The following CPNE9 variants were observed in gnomAD, a reference collection of about 807,000 sequenced individuals.
CPNE9 encodes copine family member 9, also known as copine-9.
Under a neutral mutation model 83.0 loss-of-function variants are expected in CPNE9, and 59 were observed. The ratio of observed to expected loss-of-function variants is 0.71; its 90% CI spans 0.58 to 0.88. CPNE9 has a LOEUF of 0.88. Ranked by LOEUF, CPNE9 falls within the 40% of genes least tolerant of loss-of-function variation. The pLI is 0.00. For missense variants in CPNE9, 619 were observed against 720.8 expected, an observed-to-expected ratio of 0.86 and a Z score of 1.62; for synonymous variants, 256 against 273.4, an observed-to-expected ratio of 0.94 and a Z score of 0.63.
At chr3:9,715,002 G>A in intron 11 of CPNE9, 47 bp downstream of exon 11, 1 of 1,554,302 alleles carries the variant, frequency 6.4e-7, no homozygotes, top group Non-Finnish European at 8.8e-7. Context: ...GACCCAAGCA[G>A]TTCTCAATAA....
At chr3:9,718,272 T>C in intron 16 of CPNE9, 62 bp downstream of exon 16, 1 of 1,500,274 alleles carries the variant, frequency 6.7e-7, no homozygotes, top group Non-Finnish European at 9.1e-7. Flanking sequence ...AAGTTGATGA[T>C]TTTGTTCTGT....
chr3:9,725,048 C>T (rs1056551156), intron 17 of CPNE9, among the ~76,000 whole-genome samples: 2 of 152,136 alleles, frequency 1.3e-5, no homozygotes, highest in Non-Finnish European at 2.9e-5. Context: ...TGAACCACTG[C>T]ACCTGGCCAG....
chr3:9,715,366 T>C lies in CPNE9; in HGVS notation c.768+2T>C. On this transcript the variant is annotated splice_donor_variant, in intron 12 of 20. Coordinates refer to ENST00000383832, the MANE Select transcript of CPNE9 (RefSeq NM_153635.3). LOFTEE classifies it high-confidence loss of function. ...CAGAACCAGTTCACAGTATATGAGG[T>C]GAGCATTCCAGCCCTGCCCAGGTCA... 6.2e-7 allele frequency: 1 copy of C among 1,614,174 alleles called. No homozygotes were observed. The highest frequency in any genetic ancestry group is 8.5e-7 in the Non-Finnish European group (1 of 1,180,030).
chr3:9,717,266 G>A (rs1325610150), intron 15 of CPNE9, among the ~76,000 whole-genome samples, 162 bp downstream of exon 15: 1 of 152,138 alleles, frequency 6.6e-6, no homozygotes, highest in Non-Finnish European at 1.5e-5. Context: ...AAAAATAGAT[G>A]GGTAGATGGA....
rs2076540144 is a variant in CPNE9 at position 9,704,507 on chromosome 3, C to T, written c.69-80C>T. ...GTTCGATGCGGGCCCCATGCCTCTCCTCAGTGCCCGGCTCAGAGCCGACTC... is the reference window on the plus strand; with the variant it reads ...GTTCGATGCGGGCCCCATGCCTCTCTTCAGTGCCCGGCTCAGAGCCGACTC... On this transcript the variant is annotated intron_variant, in intron 1 of 20. Transcript: ENST00000383832. This position sits in a 1 kb window ranked among gnomAD's most constrained non-coding sequence, Gnocchi z 7.1. The T allele has an allele frequency of 7.9e-7, 1 of 1,258,338 alleles. No individual in the cohort carries two copies. Among genetic ancestry groups the T allele is most frequent in the Admixed American group, 1.7e-5 (1 of 59,520 alleles). The allele number at this position is 1,258,338 out of a possible 1,614,324, so 77.9% of individuals were successfully genotyped here. A position where few individuals can be genotyped will look rare whatever the true frequency, so the allele number is the denominator to read the frequency against.
chr3:9,721,423 G>A (rs1575130176), intron 17 of CPNE9, among the ~76,000 whole-genome samples: 1 of 152,270 alleles, frequency 6.6e-6, no homozygotes, highest in African/African-American at 2.4e-5. Flanking sequence ...GAGAAAAAAG[G>A]TGTTTTAAGT....
At chr3:9,714,072 C>CAATAAATAAATA (rs59251577) in intron 10 of CPNE9, among the ~76,000 whole-genome samples, 45 of 149,002 alleles carry the variant, frequency 3.0e-4, no homozygotes, top group African/African-American at 6.7e-4. Flanking sequence ...GACTCCGTCT[C>CAATAAATAAATA]AATAAATAAA....
At chr3:9,723,698 C>A (rs1276118428) in intron 17 of CPNE9, among the ~76,000 whole-genome samples, 1 of 152,138 alleles carries the variant, frequency 6.6e-6, no homozygotes, top group South Asian at 2.1e-4. Flanking sequence ...CACGCGCCAC[C>A]AAGCCCAGCT....
Position 9,713,080 on chromosome 3 carries a change from G to T in CPNE9, c.650+1G>T. ...CTCTGTGCAATGGAGACTATGACAG[G>T]TTGGCTCCAGCATAAGCTGGGGAGT... On this transcript the variant is annotated splice_donor_variant, in intron 10 of 20. Coordinates refer to ENST00000383832, the MANE Select transcript of CPNE9 (RefSeq NM_153635.3). LOFTEE classifies it high-confidence loss of function. The T allele has an allele frequency of 1.2e-6, 2 of 1,610,774 alleles. No individual in the cohort carries two copies. The highest frequency in any genetic ancestry group is 1.7e-6 in the Non-Finnish European group (2 of 1,176,988).
chr3:9,716,126 GC>G, intron 14 of CPNE9, 91 bp downstream of exon 14: 2 of 1,113,148 alleles, frequency 1.8e-6, no homozygotes, highest in Non-Finnish European at 2.7e-6. Context: ...AATGGTCAGG[GC>G]CCAGTGAGAC....
chr3:9,713,121 T>A (rs371221778), intron 10 of CPNE9, 42 bp downstream of exon 10: 395 of 1,448,050 alleles, frequency 2.7e-4, no homozygotes, highest in Non-Finnish European at 3.7e-4. Flanking sequence ...GCCAAGGACA[T>A]GCCAGTGTGG....
chr3:9,726,566 T>C (rs1028478255), intron 18 of CPNE9, 99 bp from the exon 19 acceptor site: 5 of 910,720 alleles, frequency 5.5e-6, no homozygotes, highest in Non-Finnish European at 9.0e-6. Flanking sequence ...TTACAAGATG[T>C]GCAGAACCAT....
chr3:9,709,989 CAAAAAAAAAA>C (rs542047036), intron 7 of CPNE9, among the ~76,000 whole-genome samples: 2 of 57,250 alleles, frequency 3.5e-5, no homozygotes, highest in Non-Finnish European at 6.9e-5. Flanking sequence ...GACTCCATCT[CAAAAAAAAAA>C]AAAAAAGAAA....
intron 16 of CPNE9, 55 bp from the exon 17 acceptor site, chr3:9,718,420 C>T: frequency 6.4e-7 from 1 of 1,573,888 alleles, no homozygotes; most frequent in Non-Finnish European, 8.7e-7. Flanking sequence ...GGAATCAGAG[C>T]ACTCCTGCAT....
chr3:9,721,365 T>C (rs564323865), intron 17 of CPNE9, among the ~76,000 whole-genome samples: 3 of 152,352 alleles, frequency 2.0e-5, no homozygotes, highest in Admixed American at 2.0e-4. Flanking sequence ...ATCTTAAAAA[T>C]TCATGCAAAT....
rs1358156953 is a variant in CPNE9, at chr3:9,704,521, C to T, written c.69-66C>T. ...CCATGCCTCTCCTCAGTGCCCGGCT[C>T]AGAGCCGACTCGAGGCGGGCGGACT... On this transcript the variant is annotated intron_variant, in intron 1 of 20. Coordinates refer to ENST00000383832, the MANE Select transcript of CPNE9 (RefSeq NM_153635.3). This position sits in a 1 kb window ranked among gnomAD's most constrained non-coding sequence, Gnocchi z 7.1. The T allele has an allele frequency of 1.6e-5, 23 of 1,403,064 alleles. No homozygotes were observed. Among genetic ancestry groups the T allele is most frequent in the Non-Finnish European group, 2.2e-5 (22 of 987,414 alleles). The allele number at this position is 1,403,064 out of a possible 1,614,324, so 86.9% of individuals were successfully genotyped here.
rs563331218 is a variant in CPNE9 at position 9,729,420 on chromosome 3, G to A, written c.1477-87G>A. The A allele has an allele frequency of 2.7e-5, 40 of 1,488,878 alleles. No individual in the cohort carries two copies. In the South Asian group the frequency reaches 5.2e-4, roughly 19 times the overall value. The allele number at this position is 1,488,878 out of a possible 1,614,324, so 92.2% of individuals were successfully genotyped here. ...ACTGTGATAGTTGGAAAGAGATGCT[G>A]GGGATCAAAAAAGAAGCCTCCCTGC... On this transcript the variant is annotated intron_variant, in intron 20 of 20. Coordinates refer to ENST00000383832, the MANE Select transcript of CPNE9 (RefSeq NM_153635.3).
Position 9,711,348 on chromosome 3 carries a change from G to A in CPNE9, c.378-1193G>A, listed in dbSNP as rs367719503. ...CTCCCGAGTAGCTGGCATTACAGGC[G>A]CCCGCCACCACGCCCAGCTAATTTT... On this transcript the variant is annotated intron_variant, in intron 7 of 20. Transcript: ENST00000383832. 1.9e-3 allele frequency among the ~76,000 whole-genome samples: 279 copies of A among 150,618 alleles called. 1 individual carries two copies. In the Middle Eastern group the frequency reaches 0.021, roughly 11 times the overall value.
In CPNE9 at chr3:9,703,926, C is replaced by A; in HGVS notation, c.-71C>A. The A allele has an allele frequency of 7.6e-7, 1 of 1,317,500 alleles. No homozygotes were observed. Among genetic ancestry groups the A allele is most frequent in the Non-Finnish European group, 1.0e-6 (1 of 980,868 alleles). 81.6% of individuals were successfully genotyped at this position (1,317,500 alleles called of 1,614,324 possible). A position where few individuals can be genotyped will look rare whatever the true frequency, so the allele number is the denominator to read the frequency against. On this transcript the variant is annotated 5_prime_UTR_variant, in exon 1 of 21. Transcript: ENST00000383832. The stretch of plus-strand genomic sequence containing the variant: ...ACCGCGGCACATGGGCCGGCCCCGC[C>A]GCTGCCGTCGCCCCTAGCCCCAGCA...
Sources: gnomAD v4.1 joint callset for allele counts (sites outside exome capture counted in the v4.1 genomes callset) on GRCh38, gnomAD v4.1.1 for gene constraint, Gnocchi (gnomAD v3.1) non-coding constraint, MANE v1.5 for transcripts, NCBI Gene and HGNC (gene_info 2026-07-23, HGNC 2026-07-21) for gene names.